ATP6V0E1: variants seen among roughly 807,000 people sequenced by gnomAD.
ATP6V0E1 encodes ATPase H+ transporting V0 subunit e1.
Under a neutral mutation model 11.6 loss-of-function variants are expected in ATP6V0E1, and 4 were observed. That is an observed-to-expected ratio of 0.35 (90% confidence interval 0.17 to 0.79). The LOEUF is 0.79. Ranked by LOEUF, ATP6V0E1 falls within the 30% of genes least tolerant of loss-of-function variation. The pLI is 0.54. For missense variants in ATP6V0E1, 105 were observed against 100.0 expected (o/e 1.05, Z -0.21); for synonymous variants, 36 against 34.8 (o/e 1.04, Z -0.13).
chr5:173,029,470 A>G (rs1422817395), intron 3 of ATP6V0E1, among the ~76,000 whole-genome samples: 1 of 151,768 alleles, frequency 6.6e-6, no homozygotes, highest in Admixed American at 6.6e-5. Flanking sequence ...TCCTTCAGGC[A>G]CCCTGATTTC....
rs145102193 is a variant in ATP6V0E1 at position 173,010,895 on chromosome 5, T to G, written c.153-9343T>G. Among the ~76,000 whole-genome samples, 739 of 152,296 alleles carry G rather than the reference T, an allele frequency of 4.9e-3. 27 individuals are homozygous for G. The highest frequency in any genetic ancestry group is 0.045 in the Admixed American group (683 of 15,290). ...AGAACAAAGCAGGGCTTGAGAGAGC[T>G]GAGTATAGTGGTGAGGGCATAGTTT... On this transcript the variant is annotated intron_variant, in intron 2 of 3. Transcript: ENST00000519374.
chr5:173,010,181 G>A (rs751537845), intron 2 of ATP6V0E1, among the ~76,000 whole-genome samples: 5 of 152,116 alleles, frequency 3.3e-5, no homozygotes, highest in Non-Finnish European at 7.3e-5. Flanking sequence ...TGGGAACCTC[G>A]GGAGAATTGA....
chr5:173,008,030 T>C (rs1189197416), intron 2 of ATP6V0E1, among the ~76,000 whole-genome samples: 1 of 152,192 alleles, frequency 6.6e-6, no homozygotes, highest in Non-Finnish European at 1.5e-5. Context: ...CCTCGAGCCA[T>C]AGTAGGCTTC....
intron 3 of ATP6V0E1, among the ~76,000 whole-genome samples, chr5:173,034,037 A>G (rs1228951767): frequency 3.3e-5 from 5 of 152,220 alleles, no homozygotes; most frequent in Non-Finnish European, 7.3e-5. Context: ...AGAGTTCGCC[A>G]TGCCTGCGGA....
chr5:173,019,130 T>C (rs1756443576), intron 2 of ATP6V0E1, among the ~76,000 whole-genome samples: 1 of 152,114 alleles, frequency 6.6e-6, no homozygotes, highest in African/African-American at 2.4e-5. Flanking sequence ...ATTTTTAAAA[T>C]TTTTTTATAG....
In ATP6V0E1 at chr5:173,034,698, G is replaced by C. The variant is rs1756713275; in HGVS notation, c.*336G>C. The C allele has an allele frequency of 2.1e-6, 1 of 479,896 alleles. No homozygotes were observed. Among genetic ancestry groups the C allele is most frequent in the Non-Finnish European group, 3.8e-6 (1 of 264,208 alleles). 29.7% of individuals were successfully genotyped at this position (479,896 alleles called of 1,614,324 possible). Reference sequence around the variant, plus strand: ...ATCTGTGGATTTGAAGATGGCTCCTGCCTTCTCACGTGGGAATCAGTGAAG... The same window carrying C: ...ATCTGTGGATTTGAAGATGGCTCCTCCCTTCTCACGTGGGAATCAGTGAAG... On this transcript the variant is annotated 3_prime_UTR_variant, in exon 4 of 4. Transcript: ENST00000519374.
chr5:172,985,150 C>G (rs749241973), intron 1 of ATP6V0E1, among the ~76,000 whole-genome samples: 8 of 149,896 alleles, frequency 5.3e-5, no homozygotes, highest in African/African-American at 7.4e-5. Flanking sequence ...GAGGCTGAGG[C>G]AGGAGAATGG....
intron 2 of ATP6V0E1, among the ~76,000 whole-genome samples, chr5:172,997,785 T>A (rs1756089793): frequency 6.9e-6 from 1 of 144,604 alleles, no homozygotes; most frequent in African/African-American, 2.6e-5. Flanking sequence ...TGCACTCCAG[T>A]CTGGGCGACA....
At chr5:173,020,171 A>T in intron 2 of ATP6V0E1, 67 bp from the exon 3 acceptor site, 1 of 1,311,030 alleles carries the variant, frequency 7.6e-7, no homozygotes, top group Admixed American at 1.8e-5. Flanking sequence ...TTTCCATGCT[A>T]ATTGAAAATG....
intron 2 of ATP6V0E1, among the ~76,000 whole-genome samples, chr5:173,008,069 C>CCTCCG (rs553529590): frequency 4.3e-4 from 65 of 152,294 alleles, no homozygotes; most frequent in African/African-American, 1.5e-3. Context: ...CACTCCGCGA[C>CCTCCG]CTCCGGCCTA....
intron 3 of ATP6V0E1, among the ~76,000 whole-genome samples, chr5:173,025,793 C>T (rs1477062782): frequency 2.6e-5 from 4 of 151,798 alleles, no homozygotes; most frequent in Non-Finnish European, 4.4e-5. Flanking sequence ...CCTCCATGCC[C>T]GGCAAAATAC....
At chr5:173,025,429 GC>G (rs1756543726) in intron 3 of ATP6V0E1, among the ~76,000 whole-genome samples, 1 of 149,796 alleles carries the variant, frequency 6.7e-6, no homozygotes, top group Non-Finnish European at 1.5e-5. Flanking sequence ...ACAGGTATGA[GC>G]CACCATGCCT....
chr5:172,994,601 A>G (rs1244799962), intron 1 of ATP6V0E1, among the ~76,000 whole-genome samples, 174 bp from the exon 2 acceptor site: 1 of 152,170 alleles, frequency 6.6e-6, no homozygotes, highest in Non-Finnish European at 1.5e-5. Flanking sequence ...AACTTTTCCC[A>G]GGTGTACCCT....
intron 2 of ATP6V0E1, among the ~76,000 whole-genome samples, chr5:172,996,281 C>A (rs950379415): frequency 6.6e-6 from 1 of 152,118 alleles, no homozygotes; most frequent in Non-Finnish European, 1.5e-5. Context: ...ACATTCCGGC[C>A]AGGATCGGTG....
In ATP6V0E1 at chr5:172,983,836, A is replaced by G; in HGVS notation, c.-25A>G. The G allele has an allele frequency of 6.3e-7, 1 of 1,598,948 alleles. No individual in the cohort carries two copies. The highest frequency in any genetic ancestry group is 8.6e-7 in the Non-Finnish European group (1 of 1,166,640). ...TGGGATCCGAGTGAGGCGACGGGGT[A>G]GGGGTTGGCGCTCAGGCGGCGACCA... On this transcript the variant is annotated 5_prime_UTR_variant, in exon 1 of 4. Coordinates refer to ENST00000519374, the MANE Select transcript of ATP6V0E1 (RefSeq NM_003945.4).
intron 3 of ATP6V0E1, among the ~76,000 whole-genome samples, chr5:173,024,721 T>G (rs1756530377): frequency 6.6e-6 from 1 of 152,160 alleles, no homozygotes; most frequent in African/African-American, 2.4e-5. Context: ...TCTAAGCCTT[T>G]TCAATGGAAA....
intron 2 of ATP6V0E1, among the ~76,000 whole-genome samples, chr5:173,007,452 C>T (rs1356646832): frequency 6.6e-6 from 1 of 152,216 alleles, no homozygotes; most frequent in East Asian, 1.9e-4. Context: ...CCTCCATTTT[C>T]ACAGCCGGGA....
chr5:173,026,965 A>G (rs1756569279), intron 3 of ATP6V0E1, among the ~76,000 whole-genome samples: 1 of 151,698 alleles, frequency 6.6e-6, no homozygotes, highest in South Asian at 2.1e-4. Flanking sequence ...TCACGAGGTC[A>G]GGAGATCGAG....
At chr5:173,011,175 CTTTTTTTT>C (rs754605378) in intron 2 of ATP6V0E1, among the ~76,000 whole-genome samples, 34 of 114,712 alleles carry the variant, frequency 3.0e-4, no homozygotes, top group African/African-American at 6.9e-4. Context: ...CCTGATTTAT[CTTTTTTTT>C]TTTTTTTTTT....
Sources: gnomAD v4.1 joint callset for allele counts (sites outside exome capture counted in the v4.1 genomes callset) on GRCh38, gnomAD v4.1.1 for gene constraint, MANE v1.5 for transcripts, NCBI Gene and HGNC (gene_info 2026-07-23, HGNC 2026-07-21) for gene names.